GRID2: variants seen among roughly 807,000 people sequenced by gnomAD.
The protein encoded by GRID2 is glutamate receptor ionotropic, delta-2.
In GRID2, 33 loss-of-function variants were observed where a neutral mutation model predicts 114.8. The observed-to-expected ratio is 0.29, with a 90% CI of 0.22 to 0.38. GRID2 has a LOEUF of 0.38. Ranked by LOEUF, GRID2 falls within the 10% of genes least tolerant of loss-of-function variation. GRID2 has a pLI of 1.00. For missense variants in GRID2, 1,184 were observed against 1,257.7 expected (o/e 0.94, Z 0.89); for synonymous variants, 505 against 449.9 (o/e 1.12, Z -1.55).
chr4:92,622,918 G>C (rs961022786), intron 2 of GRID2, among the ~76,000 whole-genome samples: 1 of 151,668 alleles, frequency 6.6e-6, no homozygotes. Context: ...GTTTTTAAAT[G>C]CCATATTTAT....
intron 2 of GRID2, among the ~76,000 whole-genome samples, chr4:93,071,338 T>C (rs553162337): frequency 6.6e-6 from 1 of 152,240 alleles, no homozygotes; most frequent in African/African-American, 2.4e-5. Flanking sequence ...CACGACATGT[T>C]CATTAGGTGC....
chr4:93,313,963 T>G (rs1756298847), intron 8 of GRID2, among the ~76,000 whole-genome samples: 1 of 151,922 alleles, frequency 6.6e-6, no homozygotes, highest in Non-Finnish European at 1.5e-5. Flanking sequence ...AAAATATGAG[T>G]CCCACTAGGC....
intron 5 of GRID2, among the ~76,000 whole-genome samples, chr4:93,210,751 T>A (rs1041232603): frequency 6.6e-6 from 1 of 151,986 alleles, no homozygotes; most frequent in Non-Finnish European, 1.5e-5. Context: ...TTGATAATTA[T>A]CTTTATGGTT....
chr4:92,778,486 T>G (rs1484267684), intron 2 of GRID2, among the ~76,000 whole-genome samples: 1 of 152,126 alleles, frequency 6.6e-6, no homozygotes, highest in Non-Finnish European at 1.5e-5. Flanking sequence ...TTCTGACTGA[T>G]AGGTTCAGGG....
At chr4:92,944,147 T>C (rs966453511) in intron 2 of GRID2, among the ~76,000 whole-genome samples, 11 of 152,222 alleles carry the variant, frequency 7.2e-5, no homozygotes, top group African/African-American at 2.7e-4. Flanking sequence ...AGTTTTCTGC[T>C]GCCTTTTGTA....
At chr4:93,651,833 T>G (rs1479570834) in intron 14 of GRID2, among the ~76,000 whole-genome samples, 1 of 152,158 alleles carries the variant, frequency 6.6e-6, no homozygotes, top group Non-Finnish European at 1.5e-5. Flanking sequence ...TATGGTAGGC[T>G]GTGGAGCTAT....
At chr4:92,466,615 G>A (rs1455812403) in intron 1 of GRID2, among the ~76,000 whole-genome samples, 1 of 151,480 alleles carries the variant, frequency 6.6e-6, no homozygotes, top group African/African-American at 2.4e-5. Flanking sequence ...CATTTCCTTG[G>A]TTTCTTTTAC....
chr4:92,660,015 G>A (rs1560517038), intron 2 of GRID2, among the ~76,000 whole-genome samples: 1 of 151,318 alleles, frequency 6.6e-6, no homozygotes, highest in South Asian at 2.1e-4. Context: ...TTTTGTAACA[G>A]CATATTTTCA....
intron 1 of GRID2, among the ~76,000 whole-genome samples, chr4:92,358,660 G>C (rs376294049): frequency 6.6e-6 from 1 of 151,870 alleles, no homozygotes; most frequent in African/African-American, 2.4e-5. Flanking sequence ...CCAATTGCTA[G>C]ATTTTTATGC....
intron 14 of GRID2, among the ~76,000 whole-genome samples, chr4:93,711,630 C>T (rs192238290): frequency 1.1e-4 from 16 of 152,212 alleles, no homozygotes; most frequent in Middle Eastern, 3.4e-3. Flanking sequence ...CCTCTGTGTG[C>T]GCCAGCTGAA....
intron 2 of GRID2, among the ~76,000 whole-genome samples, chr4:92,955,814 C>A (rs1185931761): frequency 6.6e-6 from 1 of 152,062 alleles, no homozygotes; most frequent in Non-Finnish European, 1.5e-5. Flanking sequence ...GGAAGGGATC[C>A]AGTTTCAGCT....
chr4:93,212,926 C>A (rs760590262), intron 5 of GRID2, among the ~76,000 whole-genome samples: 18 of 152,074 alleles, frequency 1.2e-4, no homozygotes, highest in East Asian at 7.8e-4. Flanking sequence ...GGATGTGCCA[C>A]CACGCCTGGC....
intron 14 of GRID2, among the ~76,000 whole-genome samples, chr4:93,729,076 A>C (rs1335606140): frequency 2.0e-5 from 3 of 152,002 alleles, no homozygotes; most frequent in Non-Finnish European, 4.4e-5. Flanking sequence ...AGTTTCTTCC[A>C]GGCCTGAGAT....
intron 13 of GRID2, among the ~76,000 whole-genome samples, chr4:93,569,400 C>T (rs879373391): frequency 1.3e-5 from 2 of 152,122 alleles, no homozygotes; most frequent in Non-Finnish European, 2.9e-5. Context: ...TTTGGTTCAC[C>T]TTCCAAATTA....
At chr4:93,584,620 C>A (rs547657686) in intron 13 of GRID2, among the ~76,000 whole-genome samples, 6 of 152,078 alleles carry the variant, frequency 3.9e-5, no homozygotes, top group African/African-American at 1.4e-4. Context: ...TCAAAAAATT[C>A]ATTAGAAATG....
chr4:93,131,145 A>ATTTTTTTTTTTTTTTTTTTTTTTTTTTTT (rs34215461), intron 4 of GRID2, among the ~76,000 whole-genome samples: 7 of 88,754 alleles, frequency 7.9e-5, no homozygotes, highest in African/African-American at 1.6e-4. Flanking sequence ...AGATTAAATA[A>ATTTTTTTTTTTTTTTTTTTTTTTTTTTTT]TTTTTTTTTT....
intron 2 of GRID2, among the ~76,000 whole-genome samples, chr4:92,753,762 A>G (rs777065703): frequency 1.3e-5 from 2 of 152,172 alleles, no homozygotes; most frequent in Non-Finnish European, 2.9e-5. Flanking sequence ...AAAGAAGGCA[A>G]TTCAAGTACA....
intron 1 of GRID2, among the ~76,000 whole-genome samples, chr4:93,785,538 T>G (rs578071837): frequency 1.3e-5 from 2 of 152,206 alleles, no homozygotes; most frequent in East Asian, 3.9e-4. Context: ...GTCAAGCTGA[T>G]AAAAGGAAAA....
intron 14 of GRID2, among the ~76,000 whole-genome samples, chr4:93,719,850 C>T (rs1729205222): frequency 6.6e-6 from 1 of 152,120 alleles, no homozygotes; most frequent in African/African-American, 2.4e-5. Flanking sequence ...CTGGACATTT[C>T]CTGTGCAGTC....
Sources: gnomAD v4.1 joint callset for allele counts (sites outside exome capture counted in the v4.1 genomes callset) on GRCh38, gnomAD v4.1.1 for gene constraint, MANE v1.5 for transcripts, NCBI Gene and HGNC (gene_info 2026-07-23, HGNC 2026-07-21) for gene names.